Variants in CACNB2 observed in about 807,000 individuals in gnomAD.
CACNB2 encodes calcium voltage-gated channel auxiliary subunit beta 2.
A neutral mutation model predicts 73.3 loss-of-function variants in CACNB2; 42 were observed. That is an observed-to-expected ratio of 0.57 (90% CI 0.45 to 0.74). The LOEUF (loss-of-function observed/expected upper bound fraction) is 0.74. Ranked by LOEUF, CACNB2 falls within the 30% of genes least tolerant of loss-of-function variation. The pLI, the probability that CACNB2 is intolerant of heterozygous loss-of-function variation, is 0.00. For synonymous variants in CACNB2, 348 were observed against 310.3 expected, an observed-to-expected ratio of 1.12 and a Z score of -1.28; for missense variants, 940 against 853.0, an observed-to-expected ratio of 1.10 and a Z score of -1.27.
At chr10:18,489,980 C>A (rs553971007) in intron 3 of CACNB2, among the ~76,000 whole-genome samples, 2 of 152,080 alleles carry the variant, frequency 1.3e-5, no homozygotes, top group African/African-American at 4.8e-5. Flanking sequence ...TGGGCTCAAG[C>A]GATCCTCCCA....
At chr10:18,322,796 G>T (rs906634732) in intron 2 of CACNB2, among the ~76,000 whole-genome samples, 1 of 151,766 alleles carries the variant, frequency 6.6e-6, no homozygotes, top group Non-Finnish European at 1.5e-5. Flanking sequence ...GACTTGTAGT[G>T]CTTTTACATG....
At chr10:18,206,449 A>T (rs1475468899) in intron 2 of CACNB2, 1 of 152,388 alleles carries the variant, frequency 6.6e-6, no homozygotes, top group Non-Finnish European at 1.5e-5. Context: ...CCACCTGTGT[A>T]TTGTGTCACA....
At position 18,500,840 on chromosome 10, in the gene CACNB2, G is replaced by A. The variant is rs144461906; in HGVS notation, c.485G>A (p.Arg162Gln). The A allele has an allele frequency of 4.2e-5, 67 of 1,613,794 alleles. No individual in the cohort carries two copies. The highest frequency in any genetic ancestry group is 5.3e-5 in the Non-Finnish European group (62 of 1,179,878). ...TTTAACAATGACTGGTGGATAGGGCGATTGGTAAAAGAAGGCTGTGAAATC... is the reference window on the plus strand; with the variant it reads ...TTTAACAATGACTGGTGGATAGGGCAATTGGTAAAAGAAGGCTGTGAAATC... Reference protein sequence around the residue: ...EKFNNDWWIGRLVKEGCEIGF... With the variant: ...EKFNNDWWIGQLVKEGCEIGF... Residue 162 changes from arginine (R) to glutamine (Q), a missense_variant, in exon 5 of 14, where the codon CGA (arginine) becomes CAA (glutamine). Transcript: ENST00000324631.
intron 2 of CACNB2, among the ~76,000 whole-genome samples, chr10:18,190,153 C>T (rs1041844505): frequency 3.3e-5 from 5 of 152,130 alleles, no homozygotes; most frequent in East Asian, 1.9e-4. Context: ...AGCTCATGTC[C>T]GCATCCTCTG....
intron 2 of CACNB2, among the ~76,000 whole-genome samples, chr10:18,383,403 A>C (rs1447602071): frequency 6.6e-6 from 1 of 152,188 alleles, no homozygotes; most frequent in Non-Finnish European, 1.5e-5. Flanking sequence ...TTACAAAGGC[A>C]CCGTAAGAGT....
intron 2 of CACNB2, among the ~76,000 whole-genome samples, chr10:18,158,133 CAG>C (rs1400137142): frequency 1.3e-5 from 2 of 152,052 alleles, no homozygotes; most frequent in African/African-American, 4.8e-5. Flanking sequence ...GAAAAATAAA[CAG>C]AAATGAAATC....
At chr10:18,209,664 T>C (rs1454509038) in intron 2 of CACNB2, among the ~76,000 whole-genome samples, 1 of 152,136 alleles carries the variant, frequency 6.6e-6, no homozygotes, top group Non-Finnish European at 1.5e-5. Flanking sequence ...ATACCCAAAC[T>C]TGATGTTTTG....
chr10:18,530,083 A>G (rs1397157251), intron 10 of CACNB2, among the ~76,000 whole-genome samples: 1 of 152,176 alleles, frequency 6.6e-6, no homozygotes, highest in East Asian at 1.9e-4. Context: ...GGAGAACTAC[A>G]TGGGAAAGAC....
At position 18,384,764 on chromosome 10, in the gene CACNB2, C is replaced by A. The variant is rs116717561; in HGVS notation, c.214-17160C>A. 8.8e-3 allele frequency among the ~76,000 whole-genome samples: 1,337 copies of A among 151,136 alleles called. 16 individuals are homozygous for A. Among genetic ancestry groups the A allele is most frequent in the African/African-American group, 0.03 (1,242 of 41,188 alleles). On this transcript the variant is annotated intron_variant, in intron 2 of 13. Transcript: ENST00000324631. The stretch of plus-strand genomic sequence containing the variant: ...ACAACAAACAAAAAACAAAAAAAAC[C>A]CACAAAACCAAAAATAAAGTAATAT...
chr10:18,416,236 C>T (rs142443937), intron 3 of CACNB2, among the ~76,000 whole-genome samples: 1 of 152,264 alleles, frequency 6.6e-6, no homozygotes, highest in Non-Finnish European at 1.5e-5. Flanking sequence ...ACTGGCTTAT[C>T]TCAGCATGAT....
intron 3 of CACNB2, among the ~76,000 whole-genome samples, chr10:18,484,723 A>G (rs1281874212): frequency 1.3e-5 from 2 of 152,202 alleles, no homozygotes; most frequent in Admixed American, 1.3e-4. Flanking sequence ...TGTCCTTTCA[A>G]CCACGCAGTG....
At chr10:18,436,123 G>T (rs2046126015) in intron 3 of CACNB2, among the ~76,000 whole-genome samples, 2 of 152,218 alleles carry the variant, frequency 1.3e-5, no homozygotes, top group Admixed American at 6.5e-5. Flanking sequence ...GATAAAAGTT[G>T]TTGGCTATTA....
At chr10:18,348,741 G>C (rs2041579266) in intron 2 of CACNB2, among the ~76,000 whole-genome samples, 1 of 152,152 alleles carries the variant, frequency 6.6e-6, no homozygotes, top group South Asian at 2.1e-4. Flanking sequence ...GACCTCAGGT[G>C]ATCCACCCGC....
At chr10:18,401,820 A>G in intron 2 of CACNB2, 104 bp from the exon 3 acceptor site, 1 of 1,142,878 alleles carries the variant, frequency 8.7e-7, no homozygotes, top group Non-Finnish European at 1.3e-6. Context: ...TCTTTTCAGG[A>G]AAGTATAGAA....
intron 1 of CACNB2, among the ~76,000 whole-genome samples, chr10:18,149,772 T>C (rs1468869843): frequency 1.3e-5 from 2 of 152,244 alleles, no homozygotes; most frequent in Admixed American, 1.3e-4. Flanking sequence ...CAACATGTTA[T>C]ACGCTTTAGT....
chr10:18,499,434 G>T (rs1326431819), intron 4 of CACNB2, among the ~76,000 whole-genome samples: 6 of 151,876 alleles, frequency 4.0e-5, no homozygotes, highest in African/African-American at 7.3e-5. Context: ...TGGCCAACAT[G>T]GTGAACCCCG....
intron 2 of CACNB2, among the ~76,000 whole-genome samples, chr10:18,356,332 C>T (rs575661835): frequency 6.6e-6 from 1 of 152,340 alleles, no homozygotes; most frequent in African/African-American, 2.4e-5. Flanking sequence ...TGCTCTGTCT[C>T]ACTCCACCTC....
At chr10:18,472,531 C>T (rs1211345107) in intron 3 of CACNB2, among the ~76,000 whole-genome samples, 2 of 152,208 alleles carry the variant, frequency 1.3e-5, no homozygotes, top group Non-Finnish European at 2.9e-5. Flanking sequence ...GCCACTGTGC[C>T]TGGCCCCCAG....
At chr10:18,519,853 A>AG in intron 9 of CACNB2, 1 of 408,118 alleles carries the variant, frequency 2.5e-6, no homozygotes, top group Non-Finnish European at 4.8e-6. Flanking sequence ...TGCTAAATCC[A>AG]GGGATAAATT....
Sources: gnomAD v4.1 joint callset for allele counts (sites outside exome capture counted in the v4.1 genomes callset) on GRCh38, gnomAD v4.1.1 for gene constraint, MANE v1.5 for transcripts, NCBI Gene and HGNC (gene_info 2026-07-23, HGNC 2026-07-21) for gene names.